TTC39C: variants seen among roughly 807,000 people sequenced by gnomAD.
The protein encoded by TTC39C is tetratricopeptide repeat domain 39C, also known as tetratricopeptide repeat protein 39C.
A neutral mutation model predicts 76.3 loss-of-function variants in TTC39C; 33 were observed. That is an observed-to-expected ratio of 0.43 (90% CI 0.33 to 0.58). The LOEUF is 0.58. Among genes scored for constraint, TTC39C ranks in the 20% least tolerant of loss-of-function variants. The pLI is 0.04. For synonymous variants in TTC39C, 254 were observed against 260.6 expected, an observed-to-expected ratio of 0.97 and a Z score of 0.24; for missense variants, 595 against 701.4, an observed-to-expected ratio of 0.85 and a Z score of 1.71.
At chr18:24,023,985 TATATATATATATATATATA>T in intron 1 of TTC39C, among the ~76,000 whole-genome samples, 1 of 5,900 alleles carries the variant, frequency 1.7e-4, no homozygotes, top group Non-Finnish European at 6.5e-4. Context: ...TATATACATA[TATATATATATATATATATA>T]TATATATATA....
rs1403073867 is a variant in TTC39C at position 24,020,039 on chromosome 18, C to G, written c.167+5001C>G. 4 of 1,391,258 alleles carry G rather than the reference C, an allele frequency of 2.9e-6. No homozygotes were observed. The South Asian group carries it at 5.2e-5, about 18-fold the overall frequency. 86.2% of individuals were successfully genotyped at this position (1,391,258 alleles called of 1,614,324 possible). ...ATGATTTCTAGACAAGTCATCTGCT[C>G]ACAGACAAGAATGTGTCTCTGCCTT... On this transcript the variant is annotated intron_variant, in intron 1 of 13. Transcript: ENST00000317571.
intron 1 of TTC39C, among the ~76,000 whole-genome samples, chr18:24,018,490 A>G (rs1476526642): frequency 6.6e-6 from 1 of 152,132 alleles, no homozygotes; most frequent in Non-Finnish European, 1.5e-5. Context: ...TTAGGTGCCA[A>G]AGACATGTGC....
At position 24,045,259 on chromosome 18, in the gene TTC39C, ACT is replaced by A. The variant is rs376565270; in HGVS notation, c.168-18878_168-18877del. Among the ~76,000 whole-genome samples the A allele has an allele frequency of 4.5e-3, 279 of 61,782 alleles. 2 individuals are homozygous for A. Among genetic ancestry groups the A allele is most frequent in the African/African-American group, 0.017 (252 of 14,604 alleles). 40.5% of individuals were successfully genotyped at this position (61,782 alleles called of 152,430 possible). The stretch of plus-strand genomic sequence containing the variant: ...ACTCCAGCCTGGGTGACAGAGTAAG[ACT>A]CTGTCTCCAAAAAAAAAAAAAAGCA... On this transcript the variant is annotated intron_variant, in intron 1 of 13. Transcript: ENST00000317571.
rs1243798024 is a variant in TTC39C, at chr18:24,014,762, C to T, written c.-110C>T. The T allele has an allele frequency of 1.7e-6, 2 of 1,160,426 alleles. No homozygotes were observed. The highest frequency in any genetic ancestry group is 1.1e-6 in the Non-Finnish European group (1 of 941,120). The allele number at this position is 1,160,426 out of a possible 1,614,324, so 71.9% of individuals were successfully genotyped here. A position where few individuals can be genotyped will look rare whatever the true frequency, so the allele number is the denominator to read the frequency against. On this transcript the variant is annotated 5_prime_UTR_variant, in exon 1 of 14. Transcript: ENST00000317571. ...GTCTTCTCCCCTCCCCTCCCCTCCC[C>T]TCCCGGCTCCGCTTGGCTCCGGGCA...
chr18:24,069,125 T>A (rs373185225), intron 3 of TTC39C, 32 bp from the exon 4 acceptor site: 9 of 1,511,132 alleles, frequency 6.0e-6, no homozygotes, highest in Non-Finnish European at 8.3e-6. Context: ...TATGTGTGAT[T>A]TATCAGTGTG....
intron 6 of TTC39C, chr18:24,113,794 C>T (rs143206049): frequency 2.4e-5 from 16 of 664,580 alleles, no homozygotes; most frequent in East Asian, 5.5e-5. Flanking sequence ...ACATCTTCAG[C>T]GGCGGGAAAA....
chr18:24,014,759 C>T lies in TTC39C; in HGVS notation c.-113C>T. 1 of 1,148,826 alleles carries T rather than the reference C, an allele frequency of 8.7e-7. No individual in the cohort carries two copies. The highest frequency in any genetic ancestry group is 1.6e-5 in the African/African-American group (1 of 61,240). The allele number at this position is 1,148,826 out of a possible 1,614,324, so 71.2% of individuals were successfully genotyped here. On this transcript the variant is annotated 5_prime_UTR_variant, in exon 1 of 14. Coordinates refer to ENST00000317571, the MANE Select transcript of TTC39C (RefSeq NM_001135993.2). ...CCCGTCTTCTCCCCTCCCCTCCCCT[C>T]CCCTCCCGGCTCCGCTTGGCTCCGG...
rs2085151427 is a variant in TTC39C at position 24,132,904 on chromosome 18, A to G, written c.*330A>G. The G allele has an allele frequency of 4.9e-6, 1 of 203,440 alleles. No individual in the cohort carries two copies. 12.6% of individuals were successfully genotyped at this position (203,440 alleles called of 1,614,324 possible). On this transcript the variant is annotated 3_prime_UTR_variant, in exon 14 of 14. Transcript: ENST00000317571. ...ACATCCAACCCAAGATCCTGTAGGA[A>G]CACCTACCTTAAGCACATATCTGAA... is the stretch of plus-strand genomic sequence containing the variant.
intron 1 of TTC39C, among the ~76,000 whole-genome samples, chr18:23,993,376 A>C (rs1291678390): frequency 6.6e-6 from 1 of 152,246 alleles, no homozygotes; most frequent in African/African-American, 2.4e-5. Context: ...ATATCAGGTT[A>C]ATAGAAAATA....
intron 1 of TTC39C, among the ~76,000 whole-genome samples, chr18:24,002,087 CT>C (rs974402977): frequency 2.0e-5 from 3 of 152,080 alleles, no homozygotes; most frequent in Non-Finnish European, 4.4e-5. Context: ...GCGCACATGT[CT>C]TTTTTTGGAC....
intron 6 of TTC39C, among the ~76,000 whole-genome samples, chr18:24,088,649 C>T (rs1029234786): frequency 2.6e-5 from 4 of 152,218 alleles, no homozygotes; most frequent in African/African-American, 7.2e-5. Flanking sequence ...GTGTCCTCCC[C>T]TTCCCTCACT....
chr18:24,045,927 ATTTTTTTT>A lies in TTC39C; in HGVS notation c.168-18191_168-18184del, dbSNP rs1156578816. ...TATATATATATATATATATATATAT[ATTTTTTTT>A]TTTTTTTTTTTTTTTTTTTTTGAGA... On this transcript the variant is annotated intron_variant, in intron 1 of 13. Coordinates refer to ENST00000317571, the MANE Select transcript of TTC39C (RefSeq NM_001135993.2). Among the ~76,000 whole-genome samples the A allele has an allele frequency of 6.9e-3, 177 of 25,674 alleles. 1 individual carries two copies. Among genetic ancestry groups the A allele is most frequent in the African/African-American group, 0.028 (165 of 5,982 alleles). 16.8% of individuals were successfully genotyped at this position (25,674 alleles called of 152,430 possible).
rs1283687402 is a variant in TTC39C at position 24,132,801 on chromosome 18, C to T, written c.*227C>T. 3 of 414,782 alleles carry T rather than the reference C, an allele frequency of 7.2e-6. No homozygotes were observed. The highest frequency in any genetic ancestry group is 6.2e-5 in the African/African-American group (3 of 48,728). 25.7% of individuals were successfully genotyped at this position (414,782 alleles called of 1,614,324 possible). On this transcript the variant is annotated 3_prime_UTR_variant, in exon 14 of 14. Coordinates refer to ENST00000317571, the MANE Select transcript of TTC39C (RefSeq NM_001135993.2). ...TGATGATGGTAATAATAACTAACCA[C>T]CTGGGGAGAGGGTTAAGTGACCTTG...
intron 1 of TTC39C, among the ~76,000 whole-genome samples, chr18:24,041,430 C>G (rs2083791079): frequency 6.6e-6 from 1 of 152,168 alleles, no homozygotes; most frequent in Admixed American, 6.5e-5. Context: ...AAAGCACAAG[C>G]CAATAGTCCA....
At chr18:24,028,153 A>G (rs1355154682) in intron 1 of TTC39C, among the ~76,000 whole-genome samples, 1 of 152,060 alleles carries the variant, frequency 6.6e-6, no homozygotes, top group Non-Finnish European at 1.5e-5. Context: ...GGAAAAAAAA[A>G]GGAGGTGGGA....
intron 1 of TTC39C, among the ~76,000 whole-genome samples, chr18:24,024,445 G>T (rs1226067540): frequency 6.6e-6 from 1 of 152,170 alleles, no homozygotes; most frequent in African/African-American, 2.4e-5. Flanking sequence ...CAGAGGAGGA[G>T]AGAAAAGAGC....
At chr18:24,086,093 T>C (rs2084436198) in intron 6 of TTC39C, among the ~76,000 whole-genome samples, 1 of 152,214 alleles carries the variant, frequency 6.6e-6, no homozygotes, top group African/African-American at 2.4e-5. Context: ...CTTACATGAC[T>C]CCTTCCAATG....
chr18:24,125,320 G>A, intron 9 of TTC39C, 107 bp from the exon 10 acceptor site: 1 of 1,351,750 alleles, frequency 7.4e-7, no homozygotes, highest in Non-Finnish European at 1.0e-6. Context: ...GAAGGAGAGG[G>A]TCATTCACAT....
intron 6 of TTC39C, chr18:24,113,380 G>A (rs1236690274): frequency 1.7e-5 from 10 of 581,284 alleles, no homozygotes; most frequent in East Asian, 1.1e-4. Flanking sequence ...CCAGGTCTGC[G>A]GGTGGGGGAC....
Sources: allele counts gnomAD v4.1 joint callset (sites outside exome capture counted in the v4.1 genomes callset), GRCh38; gene constraint gnomAD v4.1.1; transcripts MANE v1.5; gene names NCBI Gene and HGNC (gene_info 2026-07-23, HGNC 2026-07-21).